The following HORMAD1 variants were observed in gnomAD, a reference collection of about 807,000 sequenced individuals.
HORMAD1 encodes the protein HORMA domain containing 1, also known as HORMA domain-containing protein 1.
HORMAD1 carries 33 observed loss-of-function variants against 58.2 expected under a neutral mutation model. The observed-to-expected ratio is 0.57, with a 90% CI of 0.43 to 0.76. The LOEUF is 0.76. Ranked by LOEUF, HORMAD1 falls within the 30% of genes least tolerant of loss-of-function variation. The pLI, the probability that HORMAD1 is intolerant of heterozygous loss-of-function variation, is 0.00. For missense variants in HORMAD1, 363 were observed against 462.0 expected, an observed-to-expected ratio of 0.79 and a Z score of 1.96; for synonymous variants, 137 against 144.6, an observed-to-expected ratio of 0.95 and a Z score of 0.38.
chr1:150,719,561 T>C, intron 1 of HORMAD1, 23 bp from the exon 2 acceptor site: 1 of 1,261,502 alleles, frequency 7.9e-7, no homozygotes, highest in Non-Finnish European at 1.1e-6. Flanking sequence ...ATACAAGCTT[T>C]AACTTAGAGC....
At chr1:150,714,382 C>T (rs1169875497) in intron 4 of HORMAD1, among the ~76,000 whole-genome samples, 1 of 152,016 alleles carries the variant, frequency 6.6e-6, no homozygotes, top group Admixed American at 6.6e-5. Context: ...ATAAAGCCTG[C>T]TTGCATGGGG....
At chr1:150,703,777 C>A (rs1651605609) in intron 12 of HORMAD1, among the ~76,000 whole-genome samples, 1 of 152,058 alleles carries the variant, frequency 6.6e-6, no homozygotes, top group Non-Finnish European at 1.5e-5. Flanking sequence ...ATTTGAAAAG[C>A]AGAATAAAAC....
At chr1:150,713,679 A>G (rs1376750925) in intron 5 of HORMAD1, 1 of 165,716 alleles carries the variant, frequency 6.0e-6, no homozygotes, top group African/African-American at 2.4e-5. Flanking sequence ...AGAATTTGTG[A>G]CAATTTAACC....
At chr1:150,710,486 T>C (rs1368378379) in intron 7 of HORMAD1, among the ~76,000 whole-genome samples, 2 of 152,196 alleles carry the variant, frequency 1.3e-5, no homozygotes, top group Non-Finnish European at 2.9e-5. Context: ...ATTCAATAAA[T>C]ATTATTATTG....
chr1:150,703,301 G>T lies in HORMAD1; in HGVS notation c.1032+9C>A, dbSNP rs368926308. The T allele has an allele frequency of 2.2e-6, 3 of 1,388,030 alleles. No homozygotes were observed. Among genetic ancestry groups the T allele is most frequent in the Non-Finnish European group, 3.0e-6 (3 of 989,942 alleles). The allele number at this position is 1,388,030 out of a possible 1,614,324, so 86.0% of individuals were successfully genotyped here. On this transcript the variant is annotated intron_variant, in intron 13 of 14. Coordinates refer to ENST00000361824, the MANE Select transcript of HORMAD1 (RefSeq NM_032132.5). ...TTACAATGGAAAACAAACCTAAAGAGATATTTACCATTTTATTCTGAAAGA... is the reference window on the plus strand; with the variant it reads ...TTACAATGGAAAACAAACCTAAAGATATATTTACCATTTTATTCTGAAAGA...
At position 150,704,222 on chromosome 1, in the gene HORMAD1, C is replaced by T. The variant is rs372992758; in HGVS notation, c.872-28G>A. ...GTAAAAAAAAAAAAAAAAAGTTACC[C>T]GGGTATAAAATTGAGTTGGAAGTGA... On this transcript the variant is annotated intron_variant, in intron 11 of 14. Transcript: ENST00000361824. 109 of 1,490,016 alleles carry T rather than the reference C, an allele frequency of 7.3e-5. No homozygotes were observed. The African/African-American group carries it at 9.0e-4, about 12-fold the overall frequency. The allele number at this position is 1,490,016 out of a possible 1,614,324, so 92.3% of individuals were successfully genotyped here.
chr1:150,717,336 T>C lies in HORMAD1; in HGVS notation c.34-54A>G, dbSNP rs936358165. ...TATTTAAATTTATTAAAAATAAAGTTTCTCTTGACTTAACATATATCCAAT... is the reference window on the plus strand; with the variant it reads ...TATTTAAATTTATTAAAAATAAAGTCTCTCTTGACTTAACATATATCCAAT... On this transcript the variant is annotated intron_variant, in intron 2 of 14. Transcript: ENST00000361824. The C allele has an allele frequency of 7.7e-6, 9 of 1,169,652 alleles. No individual in the cohort carries two copies. In the African/African-American group the frequency reaches 1.3e-4, roughly 17 times the overall value. 72.5% of individuals were successfully genotyped at this position (1,169,652 alleles called of 1,614,324 possible).
At position 150,706,689 on chromosome 1, in the gene HORMAD1, T is replaced by C. The variant is rs776773074; in HGVS notation, c.668A>G (p.Lys223Arg). The change falls in exon 10 of 15, where the codon AAA (lysine) becomes AGA (arginine). Residue 223 changes from lysine (K) to arginine (R), a missense_variant. Transcript: ENST00000361824. Reference protein sequence around the residue: ...GEVSTPFHIFKVKVTTERERM... With the variant: ...GEVSTPFHIFRVKVTTERERM... ...TTCTCTCTCAGTGGTCACTTTTACT[T>C]TGAAGATGTGAAAAGGTGTTGAGAC... 2.5e-6 allele frequency: 4 copies of C among 1,613,894 alleles called. No homozygotes were observed. The highest frequency in any genetic ancestry group is 2.2e-5 in the East Asian group (1 of 44,832).
At position 150,703,318 on chromosome 1, in the gene HORMAD1, T is replaced by C; in HGVS notation, c.1024A>G (p.Asn342Asp). Residue 342 changes from asparagine to aspartate, a missense_variant, in exon 13 of 15, where the codon AAT (asparagine) becomes GAT (aspartate). Around this residue, in one of 3 missense-constraint regions of HORMAD1, gnomAD observed 226 missense variants for 257.8 expected, o/e 0.88. Coordinates refer to ENST00000361824, the MANE Select transcript of HORMAD1 (RefSeq NM_032132.5). ...CCTAAAGAGATATTTACCATTTTAT[T>C]CTGAAAGACTTTTCCACTTCTTGTT... is the stretch of plus-strand genomic sequence containing the variant. ...SKTRSGKVFQ[N>D]KMANGNQPVK... The C allele has an allele frequency of 6.5e-7, 1 of 1,529,656 alleles. No individual in the cohort carries two copies. Among genetic ancestry groups the C allele is most frequent in the Middle Eastern group, 1.7e-4 (1 of 5,886 alleles). 94.8% of individuals were successfully genotyped at this position (1,529,656 alleles called of 1,614,324 possible).
chr1:150,711,039 AAAG>A (rs1651861569), intron 7 of HORMAD1, among the ~76,000 whole-genome samples: 1 of 152,184 alleles, frequency 6.6e-6, no homozygotes, highest in Non-Finnish European at 1.5e-5. Flanking sequence ...ATAAAGCCCC[AAAG>A]AACAGAGCCT....
At chr1:150,719,873 AT>A (rs1201407856) in intron 1 of HORMAD1, among the ~76,000 whole-genome samples, 2 of 152,146 alleles carry the variant, frequency 1.3e-5, no homozygotes, top group Non-Finnish European at 2.9e-5. Flanking sequence ...GTAATGAAAA[AT>A]TGCCTGGCAA....
chr1:150,720,450 A>G (rs1427112527), intron 1 of HORMAD1, among the ~76,000 whole-genome samples: 5 of 152,048 alleles, frequency 3.3e-5, no homozygotes, highest in African/African-American at 1.2e-4. Flanking sequence ...CAGCCGCCCA[A>G]CTTGCTGGGA....
chr1:150,709,627 G>T (rs1651803358), intron 7 of HORMAD1, among the ~76,000 whole-genome samples: 1 of 151,684 alleles, frequency 6.6e-6, no homozygotes, highest in South Asian at 2.1e-4. Flanking sequence ...CCCCCAGCCC[G>T]ACACCCATAA....
intron 7 of HORMAD1, among the ~76,000 whole-genome samples, chr1:150,710,057 C>A (rs943105214): frequency 6.6e-6 from 1 of 152,164 alleles, no homozygotes; most frequent in Non-Finnish European, 1.5e-5. Context: ...AACTCAGAGA[C>A]CGGCGCCGGT....
At chr1:150,717,304 AAC>A (rs759445676) in intron 2 of HORMAD1, 22 bp from the exon 3 acceptor site, 2 of 1,416,692 alleles carry the variant, frequency 1.4e-6, no homozygotes, top group Non-Finnish European at 1.9e-6. Context: ...GGGAAAGTAG[AAC>A]ACTTTATTTA....
intron 10 of HORMAD1, among the ~76,000 whole-genome samples, chr1:150,705,351 C>T (rs762791988): frequency 2.0e-5 from 3 of 151,286 alleles, no homozygotes; most frequent in African/African-American, 4.9e-5. Flanking sequence ...CATGGAGAAA[C>T]CCTGTCTCTA....
chr1:150,702,452 A>G (rs1017373297), intron 13 of HORMAD1, among the ~76,000 whole-genome samples: 6 of 152,200 alleles, frequency 3.9e-5, no homozygotes, highest in Admixed American at 3.9e-4. Context: ...AAATCATTCT[A>G]TTACAAAGAT....
At chr1:150,705,219 C>G (rs1651657704) in intron 10 of HORMAD1, among the ~76,000 whole-genome samples, 1 of 151,656 alleles carries the variant, frequency 6.6e-6, no homozygotes, top group Non-Finnish European at 1.5e-5. Flanking sequence ...GCTTTAAGGA[C>G]AAATGATAAA....
chr1:150,717,148 T>C lies in HORMAD1; in HGVS notation c.168A>G (p.Arg56=). Residue 56 remains arginine, a synonymous_variant, in exon 3 of 15, where the codon AGA becomes AGG. Transcript: ENST00000361824. ...GIFPECAYGT[R]YLDDLCVKIL... ...TAAATATTGTATTACCATCTAGATA[T>C]CTTGTTCCATAAGCGCATTCTGGGA... is the stretch of plus-strand genomic sequence containing the variant. 1.3e-6 allele frequency: 2 copies of C among 1,562,080 alleles called. No individual in the cohort carries two copies. Among genetic ancestry groups the C allele is most frequent in the Non-Finnish European group, 1.7e-6 (2 of 1,149,858 alleles).
Sources: allele counts gnomAD v4.1 joint callset (sites outside exome capture counted in the v4.1 genomes callset), GRCh38; gene constraint gnomAD v4.1.1; regional missense constraint gnomAD v4.1.1; transcripts MANE v1.5; gene names NCBI Gene and HGNC (gene_info 2026-07-23, HGNC 2026-07-21).